ARHGAP15: variants seen among roughly 807,000 people sequenced by gnomAD.
ARHGAP15 encodes Rho GTPase activating protein 15.
In ARHGAP15, 51 loss-of-function variants were observed where a neutral mutation model predicts 63.7. The observed-to-expected ratio is 0.80, with a 90% CI of 0.64 to 1.01. The LOEUF is 1.01. Among genes scored for constraint, ARHGAP15 ranks in the 50% least tolerant of loss-of-function variants. The probability of loss-of-function intolerance (pLI) is 0.00; values close to 1 mark genes in which losing one functional copy is unlikely to be tolerated. For missense variants in ARHGAP15, 560 were observed against 564.6 expected (o/e 0.99, Z 0.08); for synonymous variants, 191 against 193.8 (o/e 0.99, Z 0.12).
rs1389011181 is a variant in ARHGAP15, at chr2:143,373,115, A to G, written c.475-62486A>G. ...CTTACAATTTCATAGTCCCTTTTAT[A>G]TTGGACAACTTTATAACCCCTTTTG... On this transcript the variant is annotated intron_variant, in intron 6 of 13. Transcript: ENST00000295095. Among the ~76,000 whole-genome samples the G allele has an allele frequency of 2.0e-5, 3 of 152,260 alleles. No individual in the cohort carries two copies. In the East Asian group the frequency reaches 5.8e-4, roughly 29 times the overall value.
chr2:143,725,690 T>G (rs879645951), intron 13 of ARHGAP15, among the ~76,000 whole-genome samples: 3 of 152,234 alleles, frequency 2.0e-5, no homozygotes, highest in African/African-American at 4.8e-5. Flanking sequence ...TCAAGATTTT[T>G]TAAGGACTCA....
chr2:143,768,034 G>T lies in ARHGAP15; in HGVS notation c.1290G>T (p.Leu430Phe). Residue 430 changes from leucine to phenylalanine, a missense_variant, in exon 14 of 14, where the codon TTG (leucine) becomes TTT (phenylalanine). Coordinates refer to ENST00000295095, the MANE Select transcript of ARHGAP15 (RefSeq NM_018460.4). ...ASKNLMSTQSLGIVFGPTLLR... is the reference protein window; with the variant it reads ...ASKNLMSTQSFGIVFGPTLLR... The stretch of plus-strand genomic sequence containing the variant: ...AGAACCTCATGTCCACGCAAAGCTT[G>T]GGGATTGTATTTGGACCTACCCTTC... 6.2e-7 allele frequency: 1 copy of T among 1,613,574 alleles called. No individual in the cohort carries two copies. Among genetic ancestry groups the T allele is most frequent in the Non-Finnish European group, 8.5e-7 (1 of 1,179,722 alleles).
chr2:143,378,981 TTA>T (rs934350904), intron 6 of ARHGAP15, among the ~76,000 whole-genome samples: 3 of 151,890 alleles, frequency 2.0e-5, no homozygotes, highest in African/African-American at 7.2e-5. Context: ...AATTATTTTT[TTA>T]TTTTTTATTT....
At chr2:143,154,571 A>T (rs1558780417) in intron 1 of ARHGAP15, among the ~76,000 whole-genome samples, 1 of 151,926 alleles carries the variant, frequency 6.6e-6, no homozygotes, top group Non-Finnish European at 1.5e-5. Flanking sequence ...AGACAAGAAG[A>T]GGGCTGTTTC....
intron 9 of ARHGAP15, among the ~76,000 whole-genome samples, chr2:143,502,012 C>A (rs1693086495): frequency 6.6e-6 from 1 of 152,090 alleles, no homozygotes; most frequent in South Asian, 2.1e-4. Context: ...GGCACCACAG[C>A]CTTACTTCAT....
chr2:143,202,915 G>A lies in ARHGAP15; in HGVS notation c.234+713G>A, dbSNP rs540516409. 1.3e-3 allele frequency among the ~76,000 whole-genome samples: 203 copies of A among 152,136 alleles called. 1 individual carries two copies. The highest frequency in any genetic ancestry group is 2.6e-3 in the Non-Finnish European group (178 of 67,982). ...ATTGTAAATAACATGAATGAATAAA[G>A]TATTATATATATCTTAAAAACACGT... On this transcript the variant is annotated intron_variant, in intron 3 of 13. Transcript: ENST00000295095.
At chr2:143,502,502 C>T (rs1485523480) in intron 9 of ARHGAP15, among the ~76,000 whole-genome samples, 1 of 152,126 alleles carries the variant, frequency 6.6e-6, no homozygotes, top group Admixed American at 6.5e-5. Context: ...GCCATCTGTT[C>T]CTATAATCAG....
intron 9 of ARHGAP15, among the ~76,000 whole-genome samples, chr2:143,507,669 T>C (rs1214702343): frequency 6.6e-6 from 1 of 152,200 alleles, no homozygotes; most frequent in Non-Finnish European, 1.5e-5. Flanking sequence ...ATTCAAATAT[T>C]GATTTCATGT....
At chr2:143,564,499 A>C (rs1696146019) in intron 11 of ARHGAP15, among the ~76,000 whole-genome samples, 1 of 152,214 alleles carries the variant, frequency 6.6e-6, no homozygotes, top group African/African-American at 2.4e-5. Context: ...GTGTTTTAAA[A>C]GAAAAACTCC....
rs911733136 is a variant in ARHGAP15 at position 143,409,844 on chromosome 2, T to C, written c.475-25757T>C. The stretch of plus-strand genomic sequence containing the variant: ...GTAGGCTATACCATCTAGGTTTGTG[T>C]AAGTGTACACTCTATGATATTCCCA... On this transcript the variant is annotated intron_variant, in intron 6 of 13. Coordinates refer to ENST00000295095, the MANE Select transcript of ARHGAP15 (RefSeq NM_018460.4). Among the ~76,000 whole-genome samples, 11 of 152,222 alleles carry C rather than the reference T, an allele frequency of 7.2e-5. No individual in the cohort carries two copies. In the East Asian group the frequency reaches 1.5e-3, roughly 21 times the overall value.
intron 6 of ARHGAP15, among the ~76,000 whole-genome samples, chr2:143,251,208 A>AT (rs11452538): frequency 0.17 from 25,708 of 151,916 alleles, 2,342 homozygotes; most frequent in Middle Eastern, 0.25. Flanking sequence ...AAATCACCTA[A>AT]TTGCGTGATT....
At chr2:143,244,335 T>C (rs1693968021) in intron 5 of ARHGAP15, among the ~76,000 whole-genome samples, 1 of 152,150 alleles carries the variant, frequency 6.6e-6, no homozygotes, top group African/African-American at 2.4e-5. Context: ...TGTAACACAG[T>C]ATGTTTCAAA....
intron 12 of ARHGAP15, among the ~76,000 whole-genome samples, chr2:143,643,965 C>G (rs774509807): frequency 6.6e-6 from 1 of 152,038 alleles, no homozygotes; most frequent in Non-Finnish European, 1.5e-5. Context: ...ATTGCTCCTA[C>G]AGACAGAATC....
At chr2:143,419,972 T>C (rs1688850280) in intron 6 of ARHGAP15, among the ~76,000 whole-genome samples, 1 of 152,124 alleles carries the variant, frequency 6.6e-6, no homozygotes, top group Non-Finnish European at 1.5e-5. Flanking sequence ...TTAATTAAAA[T>C]TCCAGACCTT....
rs559399227 is a variant in ARHGAP15, at chr2:143,257,627, T to A, written c.474+7027T>A. ...GAATCCCTTCCTCTCATGGAACATATTCTGTTTCTTGATGATTTGGTAGAG... is the reference window on the plus strand; with the variant it reads ...GAATCCCTTCCTCTCATGGAACATAATCTGTTTCTTGATGATTTGGTAGAG... On this transcript the variant is annotated intron_variant, in intron 6 of 13. Transcript: ENST00000295095. Among the ~76,000 whole-genome samples, 16 of 152,280 alleles carry A rather than the reference T, an allele frequency of 1.1e-4. 1 individual carries two copies. The South Asian group carries it at 1.9e-3, about 18-fold the overall frequency.
chr2:143,184,307 T>A (rs1039163514), intron 2 of ARHGAP15, among the ~76,000 whole-genome samples: 1 of 152,184 alleles, frequency 6.6e-6, no homozygotes, highest in African/African-American at 2.4e-5. Flanking sequence ...GATAGCAAAC[T>A]GAAAGAACTG....
At chr2:143,687,271 T>C (rs1683395342) in intron 12 of ARHGAP15, among the ~76,000 whole-genome samples, 2 of 152,342 alleles carry the variant, frequency 1.3e-5, no homozygotes, top group South Asian at 2.1e-4. Context: ...GACTATTTTC[T>C]TACTTAGAAA....
intron 2 of ARHGAP15, among the ~76,000 whole-genome samples, chr2:143,170,643 C>G (rs1458628426): frequency 6.6e-6 from 1 of 152,028 alleles, no homozygotes; most frequent in Non-Finnish European, 1.5e-5. Context: ...TCCGTTATGC[C>G]TATTAAAATT....
At chr2:143,147,900 T>G (rs1417589266) in intron 1 of ARHGAP15, among the ~76,000 whole-genome samples, 1 of 152,088 alleles carries the variant, frequency 6.6e-6, no homozygotes, top group Non-Finnish European at 1.5e-5. Context: ...GAGCATGTTA[T>G]ATATTTATTT....
Sources: allele counts gnomAD v4.1 joint callset (sites outside exome capture counted in the v4.1 genomes callset), GRCh38; gene constraint gnomAD v4.1.1; transcripts MANE v1.5; gene names NCBI Gene and HGNC (gene_info 2026-07-23, HGNC 2026-07-21).